Variants in PTDSS1 observed in about 807,000 individuals in gnomAD.
PTDSS1 encodes the protein phosphatidylserine synthase 1.
In PTDSS1, 45 loss-of-function variants were observed where a neutral mutation model predicts 70.5. That is an observed-to-expected ratio of 0.64 (90% CI 0.50 to 0.82). The LOEUF (loss-of-function observed/expected upper bound fraction) is 0.82, where lower values mean the gene tolerates loss of function less well. Among genes scored for constraint, PTDSS1 ranks in the 40% least tolerant of loss-of-function variants. The pLI, the probability that PTDSS1 is intolerant of heterozygous loss-of-function variation, is 0.00. For synonymous variants in PTDSS1, 188 were observed against 203.8 expected (o/e 0.92, Z 0.66); for missense variants, 417 against 586.1 (o/e 0.71, Z 2.98).
intron 7 of PTDSS1, 115 bp downstream of exon 7, chr8:96,304,296 A>G: frequency 8.1e-7 from 1 of 1,231,296 alleles, no homozygotes; most frequent in Non-Finnish European, 1.1e-6. Flanking sequence ...ACTTTACAAG[A>G]TATAATATTC....
At chr8:96,333,085 G>A (rs1811540565) in intron 12 of PTDSS1, among the ~76,000 whole-genome samples, 3 of 152,228 alleles carry the variant, frequency 2.0e-5, no homozygotes. Flanking sequence ...ACCCTTGGTT[G>A]CAGGGCAGGA....
intron 8 of PTDSS1, among the ~76,000 whole-genome samples, chr8:96,308,061 G>T (rs964662259): frequency 3.3e-5 from 5 of 152,188 alleles, no homozygotes; most frequent in African/African-American, 1.2e-4. Context: ...GCTGCTAATG[G>T]ATTTTAACAC....
intron 12 of PTDSS1, among the ~76,000 whole-genome samples, chr8:96,332,200 C>T (rs966497043): frequency 2.0e-5 from 3 of 152,042 alleles, no homozygotes; most frequent in Non-Finnish European, 2.9e-5. Flanking sequence ...TTTGGGGCCA[C>T]CTGGTTATTT....
intron 10 of PTDSS1, among the ~76,000 whole-genome samples, chr8:96,327,580 A>G (rs1811455699): frequency 6.6e-6 from 1 of 152,124 alleles, no homozygotes; most frequent in Admixed American, 6.5e-5. Context: ...CTTCTGCCCC[A>G]CTCAGAAAAG....
At chr8:96,277,903 GGCTTAAACACTAAGGAAATTCGTTA>G (rs1810671862) in intron 2 of PTDSS1, among the ~76,000 whole-genome samples, 1 of 152,220 alleles carries the variant, frequency 6.6e-6, no homozygotes, top group Admixed American at 6.5e-5. Flanking sequence ...ATTTCAAAAT[GGCTTAAACACTAAGGAAATTCGTTA>G]TTTTCTTACG....
intron 12 of PTDSS1, among the ~76,000 whole-genome samples, chr8:96,333,126 C>T (rs972583917): frequency 3.3e-5 from 5 of 152,088 alleles, no homozygotes; most frequent in African/African-American, 1.2e-4. Context: ...TTTTAATTGC[C>T]CCTCGTTTGG....
intron 2 of PTDSS1, among the ~76,000 whole-genome samples, chr8:96,274,071 CT>C (rs1274698027): frequency 1.3e-5 from 2 of 151,986 alleles, no homozygotes; most frequent in African/African-American, 4.8e-5. Context: ...CTTTCAGTAC[CT>C]TTCCACTAGA....
At chr8:96,312,190 C>A (rs751724716) in intron 9 of PTDSS1, among the ~76,000 whole-genome samples, 2 of 152,228 alleles carry the variant, frequency 1.3e-5, no homozygotes, top group African/African-American at 4.8e-5. Context: ...GCGGCTCACG[C>A]CTGTAATCTC....
At chr8:96,303,658 G>A (rs62516301) in intron 6 of PTDSS1, among the ~76,000 whole-genome samples, 16 of 152,124 alleles carry the variant, frequency 1.1e-4, no homozygotes, top group Admixed American at 1.3e-4. Context: ...GAGTGATTTC[G>A]AGGATGCAAA....
chr8:96,279,818 CAAATAAATAAAT>C (rs10615614), intron 2 of PTDSS1, among the ~76,000 whole-genome samples: 1,529 of 148,598 alleles, frequency 0.01, 27 homozygotes, highest in African/African-American at 0.033. Context: ...TACTCCATCT[CAAATAAATAAAT>C]AAATAAATAA....
At chr8:96,296,705 G>A (rs765224926) in intron 5 of PTDSS1, among the ~76,000 whole-genome samples, 7 of 152,288 alleles carry the variant, frequency 4.6e-5, no homozygotes, top group South Asian at 2.1e-4. Flanking sequence ...CGGGAAAGGC[G>A]GTGCATATAG....
At chr8:96,275,703 C>T (rs990163295) in intron 2 of PTDSS1, among the ~76,000 whole-genome samples, 1 of 152,150 alleles carries the variant, frequency 6.6e-6, no homozygotes, top group Admixed American at 6.5e-5. Flanking sequence ...GGTTACATAC[C>T]AACGCAAGGC....
intron 1 of PTDSS1, among the ~76,000 whole-genome samples, chr8:96,269,014 T>C (rs964825535): frequency 6.6e-6 from 1 of 152,208 alleles, no homozygotes; most frequent in African/African-American, 2.4e-5. Context: ...GGAAATGAGG[T>C]GGGACTTGTG....
intron 4 of PTDSS1, among the ~76,000 whole-genome samples, chr8:96,288,321 C>T (rs1253297196): frequency 6.6e-6 from 1 of 152,052 alleles, no homozygotes; most frequent in Non-Finnish European, 1.5e-5. Context: ...GAGACTATCG[C>T]ATAGGCATGA....
chr8:96,281,176 C>A (rs1489448457), intron 2 of PTDSS1, among the ~76,000 whole-genome samples: 2 of 152,092 alleles, frequency 1.3e-5, no homozygotes, highest in Non-Finnish European at 2.9e-5. Context: ...GCCTCATCCT[C>A]GATTTTTTTT....
chr8:96,323,053 G>A (rs1464281111), intron 10 of PTDSS1, among the ~76,000 whole-genome samples: 2 of 152,264 alleles, frequency 1.3e-5, no homozygotes, highest in Admixed American at 1.3e-4. Context: ...TCCCAAGTAA[G>A]TACAGAACCC....
At position 96,312,477 on chromosome 8, in the gene PTDSS1, T is replaced by TA. The variant is rs1234075860; in HGVS notation, c.1073+2865dup. Among the ~76,000 whole-genome samples, 120 of 137,908 alleles carry TA rather than the reference T, an allele frequency of 8.7e-4. 1 individual carries two copies. The highest frequency in any genetic ancestry group is 2.8e-3 in the African/African-American group (103 of 36,730). 90.5% of individuals were successfully genotyped at this position (137,908 alleles called of 152,430 possible). ...CTGTCTCTCTCTTTTTTTTTTTTTT[T>TA]AAAAAAAAAAGGAAAAAAGTAAACA... On this transcript the variant is annotated intron_variant, in intron 9 of 12. Transcript: ENST00000517309.
At chr8:96,307,422 C>A (rs950621342) in intron 8 of PTDSS1, among the ~76,000 whole-genome samples, 1 of 132,258 alleles carries the variant, frequency 7.6e-6, no homozygotes, top group African/African-American at 3.1e-5. Context: ...CCAGCCAGCA[C>A]CTCTTCTTGT....
chr8:96,274,099 C>T (rs1168643247), intron 2 of PTDSS1, among the ~76,000 whole-genome samples: 1 of 151,634 alleles, frequency 6.6e-6, no homozygotes, highest in Non-Finnish European at 1.5e-5. Context: ...TCTACTTGTT[C>T]GCCGTAGCCG....
Sources: allele counts gnomAD v4.1 joint callset (sites outside exome capture counted in the v4.1 genomes callset), GRCh38; gene constraint gnomAD v4.1.1; transcripts MANE v1.5; gene names NCBI Gene and HGNC (gene_info 2026-07-23, HGNC 2026-07-21).